The following MTMR10 variants were observed in gnomAD, a reference collection of about 807,000 sequenced individuals.
The protein encoded by MTMR10 is myotubularin-related protein 10.
Under a neutral mutation model 88.1 loss-of-function variants are expected in MTMR10, and 56 were observed. That is an observed-to-expected ratio of 0.64 (90% confidence interval 0.51 to 0.79). The LOEUF is 0.79. MTMR10 is among the 30% of genes least tolerant of loss of function. The probability of loss-of-function intolerance (pLI) is 0.00; values close to 1 mark genes in which losing one functional copy is unlikely to be tolerated. For synonymous variants in MTMR10, 380 were observed against 340.9 expected (o/e 1.11, Z -1.26); for missense variants, 883 against 924.7 (o/e 0.95, Z 0.58).
chr15:30,927,886 C>T, the MTMR10 span: 4 of 985,742 alleles, frequency 4.1e-6, no homozygotes, highest in Non-Finnish European at 4.8e-6. Context: ...GTGACCTCAG[C>T]ACCTGACTTC....
intron 7 of MTMR10, among the ~76,000 whole-genome samples, chr15:30,960,085 C>T (rs2063381067): frequency 6.6e-6 from 1 of 152,086 alleles, no homozygotes; most frequent in Non-Finnish European, 1.5e-5. Context: ...TCGATAAAAG[C>T]AGAAAGATGA....
chr15:30,980,497 T>G (rs944547527), intron 2 of MTMR10, among the ~76,000 whole-genome samples: 1 of 152,260 alleles, frequency 6.6e-6, no homozygotes, highest in Non-Finnish European at 1.5e-5. Context: ...AACAGATGTG[T>G]GTACACCTGG....
intron 7 of MTMR10, 112 bp downstream of exon 7, chr15:30,960,769 A>G (rs2063390823): frequency 4.8e-6 from 6 of 1,243,714 alleles, no homozygotes; most frequent in Non-Finnish European, 6.2e-6. Context: ...ATTATTAAAA[A>G]CAAATATTCC....
chr15:30,953,708 T>A (rs1331127059), intron 10 of MTMR10, 77 bp from the exon 11 acceptor site: 2 of 927,306 alleles, frequency 2.2e-6, no homozygotes, highest in African/African-American at 1.7e-5. Flanking sequence ...GATACATCAG[T>A]TTCTAATATT....
chr15:30,954,472 TAC>T (rs1462954174), intron 10 of MTMR10, among the ~76,000 whole-genome samples: 2 of 152,218 alleles, frequency 1.3e-5, no homozygotes, highest in Admixed American at 6.5e-5. Flanking sequence ...TGTAAGGTAA[TAC>T]AGTGTTCTAC....
the MTMR10 span, chr15:30,925,387 T>A: frequency 2.1e-5 from 25 of 1,169,612 alleles, no homozygotes; most frequent in Non-Finnish European, 2.9e-5. Flanking sequence ...GTGTGTGTTT[T>A]CTTTTAGACT....
Position 30,952,090 on chromosome 15 carries a change from T to C in MTMR10, c.1137-52A>G, listed in dbSNP as rs1056923664. Reference sequence around the variant, plus strand: ...TTAAAAATCAAATTTCCACTACAAATACATAAAGTACTTGAAATCAAGCAA... The same window carrying C: ...TTAAAAATCAAATTTCCACTACAAACACATAAAGTACTTGAAATCAAGCAA... On this transcript the variant is annotated intron_variant, in intron 11 of 15. Transcript: ENST00000435680. 2.1e-6 allele frequency: 3 copies of C among 1,413,974 alleles called. No homozygotes were observed. In the African/African-American group the frequency reaches 4.2e-5, roughly 20 times the overall value. 87.6% of individuals were successfully genotyped at this position (1,413,974 alleles called of 1,614,324 possible).
In MTMR10 at chr15:30,941,935, C is replaced by A; in HGVS notation, c.1869G>T (p.Gln623His). Reference protein sequence around the residue: ...KPDPAQQTDSQNSDTEQYFRE... With the variant: ...KPDPAQQTDSHNSDTEQYFRE... Reference sequence around the variant, plus strand: ...TAAAATACTGCTCCGTATCACTGTTCTGGCTGTCGGTTTGCTGAGCTGGAT... The same window carrying A: ...TAAAATACTGCTCCGTATCACTGTTATGGCTGTCGGTTTGCTGAGCTGGAT... Residue 623 changes from glutamine (Q) to histidine (H), a missense_variant, in exon 16 of 16, where the codon CAG (glutamine) becomes CAT (histidine). Gln to His is a conservative substitution (Grantham distance 24). Transcript: ENST00000435680. 1 of 1,614,020 alleles carries A rather than the reference C, an allele frequency of 6.2e-7. No individual in the cohort carries two copies. The highest frequency in any genetic ancestry group is 8.5e-7 in the Non-Finnish European group (1 of 1,179,900).
At chr15:30,965,626 T>C (rs900248711) in intron 6 of MTMR10, among the ~76,000 whole-genome samples, 1 of 152,188 alleles carries the variant, frequency 6.6e-6, no homozygotes, top group African/African-American at 2.4e-5. Context: ...GCTAGTAATA[T>C]CTCCTGGGGT....
chr15:30,919,883 G>C, the MTMR10 span, among the ~76,000 whole-genome samples: 1 of 152,128 alleles, frequency 6.6e-6, no homozygotes, highest in African/African-American at 2.4e-5. Flanking sequence ...CCACATATAA[G>C]TGGACGTGTG....
At chr15:30,969,292 C>G (rs117697488) in intron 5 of MTMR10, among the ~76,000 whole-genome samples, 161 of 152,178 alleles carry the variant, frequency 1.1e-3, no homozygotes, top group Non-Finnish European at 2.0e-3. Context: ...TTGAAACTTA[C>G]GTGGTATCTC....
At chr15:30,950,865 C>T (rs2063234788) in intron 12 of MTMR10, among the ~76,000 whole-genome samples, 1 of 152,174 alleles carries the variant, frequency 6.6e-6, no homozygotes, top group Admixed American at 6.5e-5. Context: ...TGCACATCCT[C>T]CTGTACACTT....
chr15:30,959,605 CCTCAAGACAT>C (rs1938810638), intron 7 of MTMR10, among the ~76,000 whole-genome samples: 1 of 152,210 alleles, frequency 6.6e-6, no homozygotes, highest in African/African-American at 2.4e-5. Flanking sequence ...GCTCACTGCA[CCTCAAGACAT>C]CTTCCTTCTT....
rs568209594 is a variant in MTMR10, at chr15:30,942,928, T to C, written c.1693A>G (p.Ile565Val). 1.9e-6 allele frequency: 3 copies of C among 1,568,598 alleles called. No individual in the cohort carries two copies. Among genetic ancestry groups the C allele is most frequent in the African/African-American group, 1.3e-5 (1 of 74,348 alleles). Residue 565 changes from isoleucine (I) to valine (V), a missense_variant, in exon 15 of 16, where the codon ATA (isoleucine) becomes GTA (valine). Ile to Val is a conservative substitution (Grantham distance 29). Transcript: ENST00000435680. ...AAAGACTTCACGGAGCCATTCTGTATACAAGGTGTGCTCTTTCCAATGTAG... is the reference window on the plus strand; with the variant it reads ...AAAGACTTCACGGAGCCATTCTGTACACAAGGTGTGCTCTTTCCAATGTAG... ...PFYIGKSTPC[I>V]QNGSVKSFKR...
chr15:30,943,460 T>A, intron 14 of MTMR10: 10 of 985,386 alleles, frequency 1.0e-5, no homozygotes, highest in Non-Finnish European at 1.2e-5. Context: ...AGTAGTTACC[T>A]GTTGGTAAGT....
At chr15:30,943,740 CTG>C in intron 14 of MTMR10, 3 of 985,432 alleles carry the variant, frequency 3.0e-6, no homozygotes, top group Non-Finnish European at 3.6e-6. Context: ...CCACAGTAAA[CTG>C]AGGCAACACA....
chr15:30,987,756 G>A (rs571653720), intron 2 of MTMR10, among the ~76,000 whole-genome samples: 107 of 150,766 alleles, frequency 7.1e-4, no homozygotes, highest in Admixed American at 2.8e-3. Flanking sequence ...AGGTATATAC[G>A]TGCCATGCTG....
At chr15:30,938,618 C>T (rs1042112827), downstream of MTMR10, among the ~76,000 whole-genome samples, 7 of 152,070 alleles carry the variant, frequency 4.6e-5, no homozygotes, top group African/African-American at 1.2e-4. Context: ...TTTATCCATG[C>T]GCCAGGCCCG....
At position 30,941,396 on chromosome 15, in the gene MTMR10, G is replaced by A. The variant is rs1396635863; in HGVS notation, c.*74C>T. ...ATATAAAGTTATTAGAGATTCAAAC[G>A]CCTAGGTTAGCAATGTTAATTCAGA... On this transcript the variant is annotated 3_prime_UTR_variant, in exon 16 of 16. Coordinates refer to ENST00000435680, the MANE Select transcript of MTMR10 (RefSeq NM_017762.3). 17 of 1,548,028 alleles carry A rather than the reference G, an allele frequency of 1.1e-5. No individual in the cohort carries two copies. The South Asian group carries it at 1.4e-4, about 13-fold the overall frequency.
Sources: gnomAD v4.1 joint callset for allele counts (sites outside exome capture counted in the v4.1 genomes callset) on GRCh38, gnomAD v4.1.1 for gene constraint, MANE v1.5 for transcripts, NCBI Gene and HGNC (gene_info 2026-07-23, HGNC 2026-07-21) for gene names.